The following MEIKIN variants were observed in gnomAD, a reference collection of about 807,000 sequenced individuals.
MEIKIN encodes meiotic kinetochore factor.
chr5:131,836,469 C>T lies in MEIKIN; in HGVS notation c.975+14795G>A, dbSNP rs370582403. Among the ~76,000 whole-genome samples, 12 of 152,310 alleles carry T rather than the reference C, an allele frequency of 7.9e-5. 1 individual carries two copies. In the South Asian group the frequency reaches 2.5e-3, roughly 32 times the overall value. On this transcript the variant is annotated intron_variant, in intron 11 of 12. Coordinates refer to ENST00000442687, the MANE Select transcript of MEIKIN (RefSeq NM_001303622.2). ...CTGTTTTTAGCTGTTCAAGAAATTG[C>T]CATAATGCTTTCCACAATGGTTGAA...
intron 4 of MEIKIN, among the ~76,000 whole-genome samples, chr5:131,940,979 G>A (rs889356477): frequency 2.6e-5 from 4 of 151,810 alleles, no homozygotes; most frequent in African/African-American, 4.8e-5. Context: ...CAGCCCCCCC[G>A]ATAGTTCACT....
chr5:131,836,035 T>C (rs904224065), intron 11 of MEIKIN, among the ~76,000 whole-genome samples: 1 of 152,130 alleles, frequency 6.6e-6, no homozygotes, highest in Admixed American at 6.6e-5. Context: ...TTTTTCCTGA[T>C]CCTCTCCCTC....
intron 9 of MEIKIN, among the ~76,000 whole-genome samples, chr5:131,860,631 T>C (rs1750268517): frequency 1.3e-5 from 2 of 151,200 alleles, no homozygotes; most frequent in Admixed American, 6.6e-5. Flanking sequence ...TTATTTTTAG[T>C]AGAGACGGGG....
At chr5:131,942,717 G>A (rs1008774785) in intron 3 of MEIKIN, 22 bp from the exon 4 acceptor site, 1 of 397,970 alleles carries the variant, frequency 2.5e-6, no homozygotes, top group Non-Finnish European at 4.4e-6. Flanking sequence ...AAGAATTAAA[G>A]CTATAGCAAA....
chr5:131,852,208 C>G (rs1051182852), intron 10 of MEIKIN, among the ~76,000 whole-genome samples: 17 of 152,110 alleles, frequency 1.1e-4, no homozygotes, highest in Non-Finnish European at 2.4e-4. Flanking sequence ...GTGATTGAAT[C>G]ATGGGGGTGG....
chr5:131,883,998 A>G (rs765841704), intron 8 of MEIKIN, among the ~76,000 whole-genome samples: 1 of 152,226 alleles, frequency 6.6e-6, no homozygotes, highest in African/African-American at 2.4e-5. Flanking sequence ...GAAATCGCCC[A>G]TTCCAACAGT....
chr5:131,807,123 G>A lies in MEIKIN; in HGVS notation c.*113C>T. On this transcript the variant is annotated 3_prime_UTR_variant, in exon 13 of 13. Transcript: ENST00000442687. The stretch of plus-strand genomic sequence containing the variant: ...ACATAGAGATATATCACAAATAACT[G>A]GAGAATTTTTAATTTTTAATTTCAT... 2.5e-6 allele frequency: 1 copy of A among 396,974 alleles called. No homozygotes were observed. The highest frequency in any genetic ancestry group is 2.1e-5 in the African/African-American group (1 of 48,662). The allele number at this position is 396,974 out of a possible 1,614,324, so 24.6% of individuals were successfully genotyped here.
chr5:131,928,328 T>C (rs1751625521), intron 5 of MEIKIN, among the ~76,000 whole-genome samples: 1 of 152,176 alleles, frequency 6.6e-6, no homozygotes, highest in East Asian at 1.9e-4. Flanking sequence ...TGTAATTCTT[T>C]TGTCCCTTTT....
At position 131,945,603 on chromosome 5, in the gene MEIKIN, G is replaced by A. The variant is rs1751952239; in HGVS notation, c.-98C>T. 2.5e-6 allele frequency: 1 copy of A among 398,900 alleles called. No homozygotes were observed. The highest frequency in any genetic ancestry group is 1.3e-4 in the South Asian group (1 of 7,588). 24.7% of individuals were successfully genotyped at this position (398,900 alleles called of 1,614,324 possible). A position where few individuals can be genotyped will look rare whatever the true frequency, so the allele number is the denominator to read the frequency against. On this transcript the variant is annotated 5_prime_UTR_variant, in exon 1 of 13. Transcript: ENST00000442687. ...CTAAGTCACAGGGAGTCAGCGTCCA[G>A]GCGAGGCCCGCGGAGCAGCCTCACA...
chr5:131,857,226 C>A (rs1183318767), intron 9 of MEIKIN, among the ~76,000 whole-genome samples: 5 of 151,770 alleles, frequency 3.3e-5, no homozygotes, highest in Non-Finnish European at 5.9e-5. Context: ...AAAACATTTC[C>A]AGCACTTCTC....
At chr5:131,941,654 C>T in intron 4 of MEIKIN, among the ~76,000 whole-genome samples, 1 of 151,928 alleles carries the variant, frequency 6.6e-6, no homozygotes, top group Admixed American at 6.6e-5. Flanking sequence ...TTTGATTATA[C>T]CAATATGTAG....
At chr5:131,828,215 G>A (rs558001674) in intron 11 of MEIKIN, among the ~76,000 whole-genome samples, 5 of 152,194 alleles carry the variant, frequency 3.3e-5, no homozygotes, top group South Asian at 2.1e-4. Flanking sequence ...GCAGTGGCAC[G>A]ATCTCACAAT....
intron 4 of MEIKIN, among the ~76,000 whole-genome samples, chr5:131,939,915 T>C (rs1053081872): frequency 6.6e-6 from 1 of 152,188 alleles, no homozygotes; most frequent in Middle Eastern, 3.2e-3. Flanking sequence ...TTTCTCTAAA[T>C]AGAGTACAAG....
intron 11 of MEIKIN, among the ~76,000 whole-genome samples, chr5:131,848,164 A>C (rs975344789): frequency 5.3e-5 from 8 of 152,156 alleles, no homozygotes; most frequent in African/African-American, 1.9e-4. Flanking sequence ...AGAAGGATGG[A>C]AATAATAAAG....
At chr5:131,837,675 T>C (rs550929543) in intron 11 of MEIKIN, among the ~76,000 whole-genome samples, 2 of 152,274 alleles carry the variant, frequency 1.3e-5, no homozygotes, top group East Asian at 3.9e-4. Flanking sequence ...AATTGGTGTA[T>C]AGGAATGTTA....
intron 8 of MEIKIN, among the ~76,000 whole-genome samples, chr5:131,890,044 G>T (rs1191787180): frequency 1.3e-5 from 2 of 152,276 alleles, no homozygotes; most frequent in African/African-American, 4.8e-5. Context: ...AACCAGCCCT[G>T]CATCCCAGGG....
chr5:131,902,875 T>G (rs1164506277), intron 8 of MEIKIN, among the ~76,000 whole-genome samples: 1 of 152,016 alleles, frequency 6.6e-6, no homozygotes, highest in African/African-American at 2.4e-5. Context: ...CAGTAGAAAG[T>G]CGAAACCCAA....
intron 9 of MEIKIN, among the ~76,000 whole-genome samples, chr5:131,874,832 G>C (rs1425720699): frequency 6.6e-6 from 1 of 152,192 alleles, no homozygotes; most frequent in African/African-American, 2.4e-5. Flanking sequence ...ATGCAAGGCT[G>C]GTTCAACGTA....
At chr5:131,895,791 G>A (rs1368777499) in intron 8 of MEIKIN, among the ~76,000 whole-genome samples, 1 of 151,824 alleles carries the variant, frequency 6.6e-6, no homozygotes, top group Non-Finnish European at 1.5e-5. Context: ...TTCTTTATTA[G>A]TCTTGCTAGT....
Sources: gnomAD v4.1 joint callset for allele counts (sites outside exome capture counted in the v4.1 genomes callset) on GRCh38, gnomAD v4.1.1 for gene constraint, MANE v1.5 for transcripts, NCBI Gene and HGNC (gene_info 2026-07-23, HGNC 2026-07-21) for gene names.